DNAH10: variants seen among roughly 807,000 people sequenced by gnomAD.
DNAH10 encodes axonemal beta dynein heavy chain 10.
Under a neutral mutation model 506.6 loss-of-function variants are expected in DNAH10, and 348 were observed. That is an observed-to-expected ratio of 0.69 (90% CI 0.63 to 0.75). DNAH10 has a LOEUF of 0.75. Among genes scored for constraint, DNAH10 ranks in the 30% least tolerant of loss-of-function variants. DNAH10 has a pLI of 0.00. For missense variants in DNAH10, 5,179 were observed against 5,787.1 expected (o/e 0.89, Z 3.41); for synonymous variants, 2,059 against 2,198.6 (o/e 0.94, Z 1.78).
At chr12:123,831,338 G>A (rs932329845) in intron 26 of DNAH10, among the ~76,000 whole-genome samples, 46 of 151,722 alleles carry the variant, frequency 3.0e-4, no homozygotes, top group African/African-American at 9.0e-4. Flanking sequence ...TAACATACAC[G>A]TACACAGGTA....
At chr12:123,800,096 C>T (rs753671414) in intron 14 of DNAH10, 120 bp from the exon 15 acceptor site, 228 of 879,320 alleles carry the variant, frequency 2.6e-4, no homozygotes, top group Non-Finnish European at 3.3e-4. Flanking sequence ...CCAGCCAGCA[C>T]CCCCGTCTGG....
At chr12:123,924,960 T>C (rs1954876501) in intron 67 of DNAH10, 90 bp from the exon 68 acceptor site, 1 of 1,540,668 alleles carries the variant, frequency 6.5e-7, no homozygotes, top group East Asian at 2.3e-5. Flanking sequence ...TTCTCGTCCC[T>C]TTCCAGTGGC....
intron 17 of DNAH10, among the ~76,000 whole-genome samples, chr12:123,804,039 A>C (rs1958567977): frequency 6.6e-6 from 1 of 152,144 alleles, no homozygotes; most frequent in Non-Finnish European, 1.5e-5. Context: ...TTAGTTTAAC[A>C]AATTCATGTT....
rs533772695 is a variant in DNAH10, at chr12:123,819,034, G to A, written c.3865G>A (p.Ala1289Thr). 4.7e-5 allele frequency: 76 copies of A among 1,605,552 alleles called. 1 individual carries two copies. The South Asian group carries it at 8.2e-4, about 17-fold the overall frequency. ...LFNDSVNVEH[A>T]LGDIKRTFTE... ...TAATGATTCAGTGAATGTGGAGCAT[G>A]CTCTTGGGGACATAAAGAGAACTTT... is the stretch of plus-strand genomic sequence containing the variant. Residue 1289 changes from alanine to threonine, a missense_variant, in exon 22 of 79, where the codon GCT becomes ACT. By Grantham distance (58) the Ala-to-Thr change is moderately conservative. Transcript: ENST00000673944.
chr12:123,807,088 C>T (rs993469737), intron 18 of DNAH10, among the ~76,000 whole-genome samples: 30 of 151,984 alleles, frequency 2.0e-4, no homozygotes, highest in African/African-American at 7.0e-4. Flanking sequence ...TTCTTTTGAT[C>T]CATTTATTAA....
Position 123,924,807 on chromosome 12 carries a change from G to A in DNAH10, c.11767-243G>A, listed in dbSNP as rs192545730. Among the ~76,000 whole-genome samples the A allele has an allele frequency of 3.3e-5, 5 of 152,248 alleles. No individual in the cohort carries two copies. In the East Asian group the frequency reaches 9.6e-4, roughly 29 times the overall value. On this transcript the variant is annotated intron_variant, in intron 67 of 78. Coordinates refer to ENST00000673944, the MANE Select transcript of DNAH10 (RefSeq NM_001372106.1). ...CCGTCCATCCAAGAAATAGTTGTTG[G>A]GCATCTGCCATGTACCATGTCCCTT...
Position 123,868,089 on chromosome 12 carries a change from G to A in DNAH10, c.7489G>A (p.Gly2497Arg), listed in dbSNP as rs753300343. 26 of 1,613,466 alleles carry A rather than the reference G, an allele frequency of 1.6e-5. 1 individual carries two copies. The highest frequency in any genetic ancestry group is 2.2e-5 in the Non-Finnish European group (26 of 1,179,882). ...TTCTTTGTCTACTGTTGACACAGAA[G>A]GAGTTTGGGCCAACCCTGGGGAACT... The part of the protein sequence containing the change: ...LASLSTVDTE[G>R]VWANPGELPG... Residue 2497 changes from glycine to arginine, a missense_variant, in exon 43 of 79, where the codon GGA (glycine) becomes AGA (arginine). By Grantham distance (125) the Gly-to-Arg change is moderately radical (BLOSUM62 -2). Around this residue, in one of 3 missense-constraint regions of DNAH10, gnomAD observed 4,844 missense variants for 5,430.5 expected, o/e 0.89. Coordinates refer to ENST00000673944, the MANE Select transcript of DNAH10 (RefSeq NM_001372106.1).
chr12:123,842,015 G>C (rs1461653889), intron 30 of DNAH10, among the ~76,000 whole-genome samples: 1 of 152,208 alleles, frequency 6.6e-6, no homozygotes, highest in Non-Finnish European at 1.5e-5. Context: ...GCCAAAGCGA[G>C]CACAAGATAG....
Position 123,853,093 on chromosome 12 carries a change from A to G in DNAH10, c.6292-113A>G. On this transcript the variant is annotated intron_variant, in intron 35 of 78. Coordinates refer to ENST00000673944, the MANE Select transcript of DNAH10 (RefSeq NM_001372106.1). The surrounding 1 kb of genome is among the most constrained non-coding windows in gnomAD (Gnocchi z 4.7). ...GATGGAATTTGCTTATTTGTAGAGC[A>G]GCTGCACTGGAACACCTGCCCCCGT... is the stretch of plus-strand genomic sequence containing the variant. The G allele has an allele frequency of 3.5e-6, 4 of 1,153,754 alleles. No individual in the cohort carries two copies. Among genetic ancestry groups the G allele is most frequent in the Non-Finnish European group, 4.6e-6 (4 of 861,138 alleles). 71.5% of individuals were successfully genotyped at this position (1,153,754 alleles called of 1,614,324 possible). A position where few individuals can be genotyped will look rare whatever the true frequency, so the allele number is the denominator to read the frequency against.
At chr12:123,794,643 T>G (rs775845151) in intron 12 of DNAH10, among the ~76,000 whole-genome samples, 1 of 150,554 alleles carries the variant, frequency 6.6e-6, no homozygotes, top group Non-Finnish European at 1.5e-5. Flanking sequence ...TTCAGGAGTT[T>G]GAGACCAGCC....
intron 48 of DNAH10, among the ~76,000 whole-genome samples, chr12:123,878,509 G>GGGCA (rs1952359557): frequency 6.6e-6 from 1 of 152,200 alleles, no homozygotes; most frequent in African/African-American, 2.4e-5. Context: ...GGTCAGGAGA[G>GGGCA]GGCAGCTCCA....
At chr12:123,840,866 T>A (rs1030225795) in intron 29 of DNAH10, among the ~76,000 whole-genome samples, 1 of 152,202 alleles carries the variant, frequency 6.6e-6, no homozygotes, top group African/African-American at 2.4e-5. Flanking sequence ...CAAGCCCACC[T>A]TGTTAAGTGC....
intron 30 of DNAH10, among the ~76,000 whole-genome samples, chr12:123,845,377 G>C (rs947997935): frequency 2.6e-5 from 4 of 152,086 alleles, no homozygotes; most frequent in Non-Finnish European, 5.9e-5. Flanking sequence ...AGGCACCCTC[G>C]GCCTGGAATT....
intron 76 of DNAH10, 111 bp from the exon 77 acceptor site, chr12:123,933,220 G>T: frequency 9.2e-7 from 1 of 1,083,724 alleles, no homozygotes. Flanking sequence ...GCCATCTTTT[G>T]CCACTTAGGT....
intron 57 of DNAH10, among the ~76,000 whole-genome samples, chr12:123,906,549 T>C (rs1294687374): frequency 1.3e-5 from 2 of 152,262 alleles, no homozygotes; most frequent in African/African-American, 4.8e-5. Flanking sequence ...ACCTATTTTG[T>C]GGCTTTTGGA....
intron 47 of DNAH10, among the ~76,000 whole-genome samples, chr12:123,875,949 G>T (rs563875905): frequency 6.6e-6 from 1 of 152,214 alleles, no homozygotes; most frequent in Non-Finnish European, 1.5e-5. Flanking sequence ...AGAGAAATGC[G>T]TGTAAAGGGT....
In DNAH10 at chr12:123,935,498, A is replaced by ACTG; in HGVS notation, c.*20_*22dup. On this transcript the variant is annotated 3_prime_UTR_variant, in exon 79 of 79. Coordinates refer to ENST00000673944, the MANE Select transcript of DNAH10 (RefSeq NM_001372106.1). The stretch of plus-strand genomic sequence containing the variant: ...TCTGATTAACCTTTGGGTGAAGAAA[A>ACTG]CTGCTTAATGAATTCGGAGCCTGGG... The ACTG allele has an allele frequency of 1.3e-6, 2 of 1,568,826 alleles. No individual in the cohort carries two copies. Among genetic ancestry groups the ACTG allele is most frequent in the South Asian group, 2.3e-5 (2 of 88,050 alleles).
At chr12:123,775,781 T>C (rs547436611) in intron 5 of DNAH10, among the ~76,000 whole-genome samples, 1 of 152,124 alleles carries the variant, frequency 6.6e-6, no homozygotes, top group Admixed American at 6.5e-5. Context: ...AAAGACCAAA[T>C]AGAAAGCCAT....
At chr12:123,834,808 G>A (rs901404561) in intron 27 of DNAH10, among the ~76,000 whole-genome samples, 3 of 152,222 alleles carry the variant, frequency 2.0e-5, no homozygotes, top group Admixed American at 6.5e-5. Flanking sequence ...TTGTCACTTA[G>A]CGTGATGTTT....
Sources: allele counts gnomAD v4.1 joint callset (sites outside exome capture counted in the v4.1 genomes callset), GRCh38; gene constraint gnomAD v4.1.1; regional missense constraint gnomAD v4.1.1; non-coding constraint Gnocchi (gnomAD v3.1); transcripts MANE v1.5; gene names NCBI Gene and HGNC (gene_info 2026-07-23, HGNC 2026-07-21).